The following PTPRK variants were observed in gnomAD, a reference collection of about 807,000 sequenced individuals.
PTPRK encodes the protein protein tyrosine phosphatase receptor type K.
Under a neutral mutation model 178.0 loss-of-function variants are expected in PTPRK, and 75 were observed. The ratio of observed to expected loss-of-function variants is 0.42; its 90% CI spans 0.35 to 0.51. The LOEUF (loss-of-function observed/expected upper bound fraction) is 0.51, where lower values mean the gene tolerates loss of function less well. Ranked by LOEUF, PTPRK falls within the 20% of genes least tolerant of loss-of-function variation. The pLI is 0.02. For synonymous variants in PTPRK, 637 were observed against 620.6 expected (o/e 1.03, Z -0.39); for missense variants, 1,441 against 1,797.8 (o/e 0.80, Z 3.59).
At chr6:128,505,366 G>A in intron 1 of PTPRK, among the ~76,000 whole-genome samples, 1 of 151,668 alleles carries the variant, frequency 6.6e-6, no homozygotes, top group East Asian at 2.0e-4. Context: ...GCTTGAACCT[G>A]GGAGGCGGAG....
chr6:127,982,436 C>T (rs1448104386), intron 24 of PTPRK, among the ~76,000 whole-genome samples: 4 of 152,114 alleles, frequency 2.6e-5, no homozygotes, highest in Admixed American at 6.5e-5. Context: ...CCATGCCTGG[C>T]TAATTTTTTT....
In PTPRK at chr6:127,990,809, G is replaced by C; in HGVS notation, c.3056C>G (p.Pro1019Arg). The change falls in exon 21 of 30, where the codon CCA becomes CGA. Residue 1019 changes from proline to arginine, a missense_variant. By Grantham distance (103) the Pro-to-Arg change is moderately radical. This residue lies in a region of PTPRK where 945 missense variants were observed against 1,080.6 expected (regional missense o/e 0.87). Transcript: ENST00000368226. The part of the protein sequence containing the change: ...DFKVTCVEME[P>R]LAEYVVRTFT... ...TGTCCTAACTACATATTCAGCAAGT[G>C]GTTCCATTTCTACACACGTTACTTT... 1 of 1,610,920 alleles carries C rather than the reference G, an allele frequency of 6.2e-7. No homozygotes were observed. The highest frequency in any genetic ancestry group is 8.5e-7 in the Non-Finnish European group (1 of 1,177,532).
intron 13 of PTPRK, among the ~76,000 whole-genome samples, chr6:128,022,605 G>GA (rs1287048066): frequency 6.6e-6 from 1 of 152,058 alleles, no homozygotes; most frequent in Non-Finnish European, 1.5e-5. Context: ...CGGAGTAAAG[G>GA]AAAAATCTTC....
chr6:128,042,092 C>G (rs906913347), intron 13 of PTPRK, among the ~76,000 whole-genome samples: 1 of 151,986 alleles, frequency 6.6e-6, no homozygotes, highest in Non-Finnish European at 1.5e-5. Flanking sequence ...TCTTCTGCAC[C>G]TTTGCCACAC....
intron 6 of PTPRK, among the ~76,000 whole-genome samples, chr6:128,205,367 C>T: frequency 6.6e-6 from 1 of 152,004 alleles, no homozygotes; most frequent in African/African-American, 2.4e-5. Flanking sequence ...CCATGGGACA[C>T]ATTTATGTAT....
At chr6:128,419,412 A>G (rs1366810204) in intron 1 of PTPRK, among the ~76,000 whole-genome samples, 2 of 151,928 alleles carry the variant, frequency 1.3e-5, no homozygotes, top group Non-Finnish European at 2.9e-5. Context: ...GGAGATCGAG[A>G]CCGTCCTGGC....
chr6:128,460,075 C>G (rs1039207361), intron 1 of PTPRK, among the ~76,000 whole-genome samples: 1 of 152,096 alleles, frequency 6.6e-6, no homozygotes, highest in African/African-American at 2.4e-5. Context: ...TGAGAAAACT[C>G]CCCCATGATC....
chr6:128,502,531 T>C (rs1485315158), intron 1 of PTPRK, among the ~76,000 whole-genome samples: 1 of 152,196 alleles, frequency 6.6e-6, no homozygotes, highest in African/African-American at 2.4e-5. Flanking sequence ...ATTATCTCAC[T>C]GGATTCCTCA....
In PTPRK at chr6:128,520,463, G is replaced by T; in HGVS notation, c.-105C>A. ...GGCCGGGCCTCGCGGGGTGAGGACG[G>T]TGAGAGGACAGCCGCCCGCCCGCCC... On this transcript the variant is annotated 5_prime_UTR_variant, in exon 1 of 30. Coordinates refer to ENST00000368226, the MANE Select transcript of PTPRK (RefSeq NM_002844.4). 9.3e-7 allele frequency: 1 copy of T among 1,076,870 alleles called. No individual in the cohort carries two copies. Among genetic ancestry groups the T allele is most frequent in the Non-Finnish European group, 1.4e-6 (1 of 726,822 alleles). 66.7% of individuals were successfully genotyped at this position (1,076,870 alleles called of 1,614,324 possible). A position where few individuals can be genotyped will look rare whatever the true frequency, so the allele number is the denominator to read the frequency against.
At chr6:128,495,029 T>C (rs181069648) in intron 1 of PTPRK, among the ~76,000 whole-genome samples, 11 of 152,266 alleles carry the variant, frequency 7.2e-5, no homozygotes, top group Admixed American at 1.3e-4. Context: ...CTAAAGAAAA[T>C]ATAAGAATTT....
chr6:128,119,870 A>G (rs1260090448), intron 7 of PTPRK, among the ~76,000 whole-genome samples: 1 of 152,048 alleles, frequency 6.6e-6, no homozygotes, highest in Non-Finnish European at 1.5e-5. Context: ...CAATAGCTAT[A>G]TACCAGGCAA....
chr6:128,040,236 A>T (rs539723270), intron 13 of PTPRK, among the ~76,000 whole-genome samples: 1 of 152,310 alleles, frequency 6.6e-6, no homozygotes, highest in East Asian at 1.9e-4. Flanking sequence ...AACTGTCTCC[A>T]CAGTGGCTGA....
intron 6 of PTPRK, among the ~76,000 whole-genome samples, chr6:128,191,819 T>G (rs943857284): frequency 8.5e-5 from 13 of 152,112 alleles, no homozygotes; most frequent in Non-Finnish European, 1.6e-4. Context: ...AATAATAAAT[T>G]TACCACGTAT....
At chr6:128,070,973 T>A (rs1400354173) in intron 11 of PTPRK, among the ~76,000 whole-genome samples, 1 of 151,892 alleles carries the variant, frequency 6.6e-6, no homozygotes, top group Admixed American at 6.6e-5. Context: ...AAGTACATTT[T>A]TCACCTGAAA....
intron 13 of PTPRK, among the ~76,000 whole-genome samples, chr6:128,059,491 G>C (rs1176496111): frequency 6.6e-6 from 1 of 151,938 alleles, no homozygotes; most frequent in Non-Finnish European, 1.5e-5. Context: ...TGAATTTTTT[G>C]CTGAAATGGA....
At chr6:128,319,730 C>G (rs1562276110) in intron 3 of PTPRK, among the ~76,000 whole-genome samples, 1 of 152,196 alleles carries the variant, frequency 6.6e-6, no homozygotes, top group East Asian at 1.9e-4. Flanking sequence ...ACTTTGAAAG[C>G]TATCAAAATG....
chr6:128,120,792 T>C (rs896103335), intron 7 of PTPRK, among the ~76,000 whole-genome samples: 1 of 151,912 alleles, frequency 6.6e-6, no homozygotes, highest in African/African-American at 2.4e-5. Context: ...TCAATTGTTA[T>C]AGGGAATATA....
At chr6:128,339,312 A>C (rs1831354005) in intron 2 of PTPRK, among the ~76,000 whole-genome samples, 1 of 152,346 alleles carries the variant, frequency 6.6e-6, no homozygotes, top group African/African-American at 2.4e-5. Flanking sequence ...AACAGACTCT[A>C]TCGGCAGTTA....
intron 7 of PTPRK, among the ~76,000 whole-genome samples, chr6:128,133,928 T>G (rs1794635782): frequency 6.6e-6 from 1 of 152,172 alleles, no homozygotes; most frequent in African/African-American, 2.4e-5. Context: ...CCTTATCTTT[T>G]ATTTCCCCCA....
Sources: allele counts gnomAD v4.1 joint callset (sites outside exome capture counted in the v4.1 genomes callset), GRCh38; gene constraint gnomAD v4.1.1; regional missense constraint gnomAD v4.1.1; transcripts MANE v1.5; gene names NCBI Gene and HGNC (gene_info 2026-07-23, HGNC 2026-07-21).